The following MCTP2 variants were observed in gnomAD, a reference collection of about 807,000 sequenced individuals.
MCTP2 encodes the protein multiple C2 and transmembrane domain containing 2.
Under a neutral mutation model 111.6 loss-of-function variants are expected in MCTP2, and 132 were observed. The observed-to-expected ratio is 1.18, with a 90% CI of 1.03 to 1.37. The LOEUF (loss-of-function observed/expected upper bound fraction) is 1.37, where lower values mean the gene tolerates loss of function less well. Among genes scored for constraint, MCTP2 ranks in the 40% most tolerant of loss-of-function variants. MCTP2 has a pLI of 0.00. For missense variants in MCTP2, 1,183 were observed against 1,067.9 expected (o/e 1.11, Z -1.50); for synonymous variants, 395 against 387.7 (o/e 1.02, Z -0.22).
intron 19 of MCTP2, among the ~76,000 whole-genome samples, chr15:94,445,918 G>C (rs1023392279): frequency 6.6e-6 from 1 of 152,172 alleles, no homozygotes. Flanking sequence ...CATCACGGAC[G>C]ACTGTGGAAG....
At chr15:94,260,381 T>C (rs6416596) in intron 1 of MCTP2, among the ~76,000 whole-genome samples, 143,355 of 152,250 alleles carry the variant, frequency 0.94, 67,612 homozygotes, top group African/African-American at 0.99. Flanking sequence ...GGGTGCAGCC[T>C]TCATTGATAG....
intron 17 of MCTP2, among the ~76,000 whole-genome samples, chr15:94,423,932 C>G (rs2082748663): frequency 6.6e-6 from 1 of 152,166 alleles, no homozygotes; most frequent in African/African-American, 2.4e-5. Flanking sequence ...ACCTACTGCC[C>G]CACTTACAAA....
rs544242692 is a variant in MCTP2 at position 94,242,960 on chromosome 15, C to T, written c.-66+11296C>T. 2.1e-4 allele frequency among the ~76,000 whole-genome samples: 22 copies of T among 102,888 alleles called. 1 individual carries two copies. The highest frequency in any genetic ancestry group is 7.9e-4 in the African/African-American group (21 of 26,468). 67.5% of individuals were successfully genotyped at this position (102,888 alleles called of 152,430 possible). ...GTGTATATGTAGATACACATATACA[C>T]GTGTATATGTGTATCTACACATACA... On this transcript the variant is annotated intron_variant, in intron 1 of 22. Coordinates refer to ENST00000357742, the MANE Select transcript of MCTP2 (RefSeq NM_001385001.1).
At position 94,437,778 on chromosome 15, in the gene MCTP2, A is replaced by G. The variant is rs550369423; in HGVS notation, c.2086-2398A>G. 3.3e-5 allele frequency among the ~76,000 whole-genome samples: 5 copies of G among 152,210 alleles called. No homozygotes were observed. In the South Asian group the frequency reaches 1.0e-3, roughly 32 times the overall value. On this transcript the variant is annotated intron_variant, in intron 17 of 22. Transcript: ENST00000357742. ...GTCTTGGTAAAATATAGGAAAATAT[A>G]TCAATGGAGAACTGAGAGGGCTCAG...
intron 17 of MCTP2, among the ~76,000 whole-genome samples, chr15:94,437,329 T>C (rs2083535519): frequency 6.6e-6 from 1 of 151,920 alleles, no homozygotes; most frequent in Non-Finnish European, 1.5e-5. Flanking sequence ...AATGTGAATA[T>C]ATAAAAAAGA....
intron 1 of MCTP2, among the ~76,000 whole-genome samples, chr15:94,232,170 A>C (rs1368413187): frequency 1.3e-5 from 2 of 152,232 alleles, no homozygotes; most frequent in Non-Finnish European, 1.5e-5. Context: ...AAGATAAGTA[A>C]GTTAAAAATA....
chr15:94,437,864 AAG>A lies in MCTP2; in HGVS notation c.2086-2308_2086-2307del, dbSNP rs562654059. 2.5e-3 allele frequency among the ~76,000 whole-genome samples: 380 copies of A among 152,190 alleles called. 3 individuals carry two copies. Among genetic ancestry groups the A allele is most frequent in the African/African-American group, 8.7e-3 (363 of 41,562 alleles). The stretch of plus-strand genomic sequence containing the variant: ...TTGACAGAAGTAGCAATGTAGATGA[AAG>A]AGAAAAATGGGGATCATTACAGGAA... On this transcript the variant is annotated intron_variant, in intron 17 of 22. Coordinates refer to ENST00000357742, the MANE Select transcript of MCTP2 (RefSeq NM_001385001.1).
chr15:94,301,909 G>A (rs981220983), intron 2 of MCTP2, among the ~76,000 whole-genome samples: 2 of 150,824 alleles, frequency 1.3e-5, no homozygotes, highest in Non-Finnish European at 2.9e-5. Flanking sequence ...TGGTTCCTCT[G>A]TGTTTTAGAT....
At chr15:94,291,863 C>T (rs1267764413) in intron 1 of MCTP2, among the ~76,000 whole-genome samples, 1 of 152,128 alleles carries the variant, frequency 6.6e-6, no homozygotes, top group East Asian at 1.9e-4. Context: ...CTTTCTGGGC[C>T]ATATGGTATC....
chr15:94,385,090 A>C (rs2080380326), intron 13 of MCTP2, among the ~76,000 whole-genome samples: 1 of 152,204 alleles, frequency 6.6e-6, no homozygotes, highest in Non-Finnish European at 1.5e-5. Flanking sequence ...GCTTTTTAAA[A>C]ATTACTTTGG....
At chr15:94,464,928 T>C (rs1243273506) in intron 20 of MCTP2, among the ~76,000 whole-genome samples, 3 of 152,018 alleles carry the variant, frequency 2.0e-5, no homozygotes, top group African/African-American at 7.2e-5. Flanking sequence ...AAGTAGATCA[T>C]TGGATACATT....
intron 13 of MCTP2, 150 bp downstream of exon 13, chr15:94,384,274 A>G: frequency 1.7e-6 from 1 of 591,816 alleles, no homozygotes; most frequent in East Asian, 2.8e-5. Flanking sequence ...ATTTTTATAG[A>G]GTGTGGTGTT....
Position 94,298,597 on chromosome 15 carries a change from G to C in MCTP2, c.332G>C (p.Ser111Thr). ...TTGGATTGGAGCCAGGAAGAAGCCA[G>C]TCACCTCCATGTGGTGGAAACAGAC... ...EELDWSQEEA[S>T]HLHVVETDSE... The change falls in exon 2 of 23, where the codon AGT (serine) becomes ACT (threonine). Residue 111 changes from serine to threonine, a missense_variant. By Grantham distance (58) the Ser-to-Thr change is moderately conservative. Transcript: ENST00000357742. 6.2e-7 allele frequency: 1 copy of C among 1,614,160 alleles called. No homozygotes were observed. Among genetic ancestry groups the C allele is most frequent in the Non-Finnish European group, 8.5e-7 (1 of 1,180,024 alleles).
rs186760531 is a variant in MCTP2 at position 94,324,374 on chromosome 15, G to A, written c.637+8737G>A. Among the ~76,000 whole-genome samples the A allele has an allele frequency of 5.9e-5, 9 of 152,350 alleles. No homozygotes were observed. The East Asian group carries it at 1.7e-3, about 29-fold the overall frequency. On this transcript the variant is annotated intron_variant, in intron 4 of 22. Coordinates refer to ENST00000357742, the MANE Select transcript of MCTP2 (RefSeq NM_001385001.1). ...TAGGCCGCTGTAGTAGTTTACCACTGTGGGCTGAGGGAATACTGTGTTGCT... is the reference window on the plus strand; with the variant it reads ...TAGGCCGCTGTAGTAGTTTACCACTATGGGCTGAGGGAATACTGTGTTGCT...
intron 14 of MCTP2, among the ~76,000 whole-genome samples, chr15:94,387,376 A>G (rs1435991530): frequency 6.6e-6 from 1 of 151,960 alleles, no homozygotes; most frequent in East Asian, 1.9e-4. Flanking sequence ...CCAAATATGT[A>G]TGTGGATGTT....
chr15:94,466,612 T>G (rs1038198809), intron 20 of MCTP2, among the ~76,000 whole-genome samples: 1 of 150,584 alleles, frequency 6.6e-6, no homozygotes, highest in Non-Finnish European at 1.5e-5. Flanking sequence ...AATCTCCCCG[T>G]GGAGAGTTCC....
At position 94,236,501 on chromosome 15, in the gene MCTP2, G is replaced by A. The variant is rs146671548; in HGVS notation, c.-66+4837G>A. 1.3e-4 allele frequency among the ~76,000 whole-genome samples: 19 copies of A among 148,494 alleles called. No individual in the cohort carries two copies. The East Asian group carries it at 3.6e-3, about 29-fold the overall frequency. ...GTGCGTAGAGTGATGGTTTGCTCTCGGGTATAAACCTAAGGTTGCTGTGCC... is the reference window on the plus strand; with the variant it reads ...GTGCGTAGAGTGATGGTTTGCTCTCAGGTATAAACCTAAGGTTGCTGTGCC... On this transcript the variant is annotated intron_variant, in intron 1 of 22. Coordinates refer to ENST00000357742, the MANE Select transcript of MCTP2 (RefSeq NM_001385001.1).
Position 94,243,010 on chromosome 15 carries a change from C to T in MCTP2, c.-66+11346C>T, listed in dbSNP as rs867137844. Among the ~76,000 whole-genome samples, 92 of 78,290 alleles carry T rather than the reference C, an allele frequency of 1.2e-3. 4 individuals are homozygous for T. Among genetic ancestry groups the T allele is most frequent in the African/African-American group, 4.8e-3 (85 of 17,836 alleles). 51.4% of individuals were successfully genotyped at this position (78,290 alleles called of 152,430 possible). ...ACGTGTATATGTGTATCTACACATA[C>T]ACGTGTATATGTGTATCTACACATA... is the stretch of plus-strand genomic sequence containing the variant. On this transcript the variant is annotated intron_variant, in intron 1 of 22. Transcript: ENST00000357742.
chr15:94,389,114 G>A (rs917236494), intron 14 of MCTP2, among the ~76,000 whole-genome samples: 5 of 152,186 alleles, frequency 3.3e-5, no homozygotes, highest in South Asian at 2.1e-4. Flanking sequence ...GAAGTAGGAC[G>A]GATGGGTTTA....
Sources: allele counts gnomAD v4.1 joint callset (sites outside exome capture counted in the v4.1 genomes callset), GRCh38; gene constraint gnomAD v4.1.1; transcripts MANE v1.5; gene names NCBI Gene and HGNC (gene_info 2026-07-23, HGNC 2026-07-21).